Variants in CYP2C19 observed in about 807,000 individuals in gnomAD.
CYP2C19 encodes the protein cytochrome P450 2C19.
CYP2C19 carries 59 observed loss-of-function variants against 40.9 expected under a neutral mutation model. That is an observed-to-expected ratio of 1.44 (90% CI 1.17 to 1.79). The LOEUF is 1.79. CYP2C19 is among the 40% of genes most tolerant of loss of function. The pLI is 0.00. For synonymous variants in CYP2C19, 253 were observed against 208.7 expected, an observed-to-expected ratio of 1.21 and a Z score of -1.83; for missense variants, 754 against 596.9, an observed-to-expected ratio of 1.26 and a Z score of -2.74.
chr10:94,785,186 A>AT (rs1288920215), intron 5 of CYP2C19, among the ~76,000 whole-genome samples: 3 of 151,894 alleles, frequency 2.0e-5, no homozygotes, highest in African/African-American at 7.2e-5. Flanking sequence ...TGGTTTATCT[A>AT]TTTTTTCTTT....
chr10:94,830,299 T>C (rs1849312531), intron 6 of CYP2C19, among the ~76,000 whole-genome samples: 1 of 152,202 alleles, frequency 6.6e-6, no homozygotes, highest in East Asian at 1.9e-4. Flanking sequence ...GTGCTAGCAA[T>C]TAGTGAGACT....
chr10:94,847,799 G>T (rs938378872), intron 7 of CYP2C19, among the ~76,000 whole-genome samples: 3 of 152,104 alleles, frequency 2.0e-5, no homozygotes, highest in African/African-American at 7.2e-5. Flanking sequence ...ATCTCATTGT[G>T]GTTGTGATTT....
Position 94,826,697 on chromosome 10 carries a change from T to G in CYP2C19, c.961+6060T>G, listed in dbSNP as rs572502779. On this transcript the variant is annotated intron_variant, in intron 6 of 8. Coordinates refer to ENST00000371321, the MANE Select transcript of CYP2C19 (RefSeq NM_000769.4). The stretch of plus-strand genomic sequence containing the variant: ...CTGGCCAGAACTTCCAACACTATGT[T>G]GAATAGGAGTGGCAAGAGAAGGCAT... Among the ~76,000 whole-genome samples, 36 of 152,314 alleles carry G rather than the reference T, an allele frequency of 2.4e-4. 1 individual carries two copies. The highest frequency in any genetic ancestry group is 2.0e-3 in the Admixed American group (31 of 15,298).
At chr10:94,788,268 G>A (rs1403006432) in intron 5 of CYP2C19, among the ~76,000 whole-genome samples, 2 of 152,064 alleles carry the variant, frequency 1.3e-5, no homozygotes, top group African/African-American at 4.8e-5. Context: ...ACTTCCAGGA[G>A]CTTTTTGGAA....
chr10:94,839,547 G>A (rs1243014801), intron 6 of CYP2C19, among the ~76,000 whole-genome samples: 5 of 152,200 alleles, frequency 3.3e-5, no homozygotes, highest in Non-Finnish European at 5.9e-5. Context: ...CCATCAACAT[G>A]CATTCGCATA....
At chr10:94,799,846 TG>T (rs992648778) in intron 5 of CYP2C19, among the ~76,000 whole-genome samples, 1 of 152,214 alleles carries the variant, frequency 6.6e-6, no homozygotes, top group Non-Finnish European at 1.5e-5. Context: ...CCATGGTTTT[TG>T]GTTCCATCAG....
chr10:94,834,957 G>A (rs1031538824), intron 6 of CYP2C19, among the ~76,000 whole-genome samples: 5 of 152,126 alleles, frequency 3.3e-5, no homozygotes, highest in Admixed American at 3.3e-4. Context: ...TGCTCTAGCT[G>A]CTTCCTGCTG....
intron 3 of CYP2C19, among the ~76,000 whole-genome samples, chr10:94,778,592 G>A (rs372150082): frequency 9.8e-5 from 15 of 152,306 alleles, no homozygotes; most frequent in African/African-American, 2.9e-4. Flanking sequence ...TTAGAATGGT[G>A]ATCATTAATA....
rs185338997 is a variant in CYP2C19, at chr10:94,784,658, T to C, written c.819+2661T>C. On this transcript the variant is annotated intron_variant, in intron 5 of 8. Transcript: ENST00000371321. ...TGAGACAGAGTCTCACTCTGTTGCC[T>C]AGGCTCGAGTGCAGTAGCATGATCT... 3.1e-3 allele frequency among the ~76,000 whole-genome samples: 473 copies of C among 152,158 alleles called. 3 individuals carry two copies. Among genetic ancestry groups the C allele is most frequent in the African/African-American group, 0.011 (450 of 41,548 alleles).
intron 1 of CYP2C19, 81 bp from the exon 2 acceptor site, chr10:94,774,977 T>C: frequency 7.0e-7 from 1 of 1,438,542 alleles, no homozygotes; most frequent in Non-Finnish European, 9.6e-7. Context: ...ACAAATACAA[T>C]GAAAATATGA....
At chr10:94,849,317 T>TTTTA (rs199951526) in intron 7 of CYP2C19, among the ~76,000 whole-genome samples, 9,449 of 151,908 alleles carry the variant, frequency 0.062, 423 homozygotes, top group Middle Eastern at 0.095. Context: ...GTTGTGGGCA[T>TTTTA]TTTATTTATT....
At chr10:94,779,270 C>T (rs997810252) in intron 3 of CYP2C19, among the ~76,000 whole-genome samples, 12 of 152,114 alleles carry the variant, frequency 7.9e-5, no homozygotes, top group African/African-American at 2.9e-4. Context: ...TGTCCCAGAA[C>T]TTAAAGTAAA....
At chr10:94,812,568 C>T (rs904016668) in intron 5 of CYP2C19, among the ~76,000 whole-genome samples, 1 of 152,176 alleles carries the variant, frequency 6.6e-6, no homozygotes, top group African/African-American at 2.4e-5. Flanking sequence ...AGGCTATGTT[C>T]ATTTCTTTTT....
intron 6 of CYP2C19, 21 bp from the exon 7 acceptor site, chr10:94,842,816 T>A (rs769408340): frequency 6.2e-7 from 1 of 1,613,476 alleles, no homozygotes; most frequent in Non-Finnish European, 8.5e-7. Context: ...TTTCCATCAG[T>A]TCTTACTTGT....
intron 4 of CYP2C19, among the ~76,000 whole-genome samples, chr10:94,781,322 C>T (rs1222858063): frequency 1.3e-5 from 2 of 152,218 alleles, no homozygotes; most frequent in African/African-American, 2.4e-5. Context: ...TTTAACTGCT[C>T]TGGTGCACAG....
chr10:94,842,281 T>C (rs1368397465), intron 6 of CYP2C19, among the ~76,000 whole-genome samples: 2 of 152,194 alleles, frequency 1.3e-5, no homozygotes, highest in African/African-American at 4.8e-5. Context: ...TCTTGAAATC[T>C]ATTTTGTCTG....
rs1564656987 is a variant in CYP2C19 at position 94,762,800 on chromosome 10, G to A, written c.95G>A (p.Gly32Asp). The change falls in exon 1 of 9, where the codon GGC (glycine) becomes GAC (aspartate). Residue 32 changes from glycine (G) to aspartate (D), a missense_variant. By Grantham distance (94) the Gly-to-Asp change is moderately conservative. Coordinates refer to ENST00000371321, the MANE Select transcript of CYP2C19 (RefSeq NM_000769.4). ...QSSGRGKLPP[G>D]PTPLPVIGNI... is the part of the protein sequence containing the mutation. Reference sequence around the variant, plus strand: ...TCTGGGAGAGGAAAACTCCCTCCTGGCCCCACTCCTCTCCCAGTGATTGGA... The same window carrying A: ...TCTGGGAGAGGAAAACTCCCTCCTGACCCCACTCCTCTCCCAGTGATTGGA... 1 of 1,613,648 alleles carries A rather than the reference G, an allele frequency of 6.2e-7. No homozygotes were observed. The highest frequency in any genetic ancestry group is 1.1e-5 in the South Asian group (1 of 91,052).
intron 7 of CYP2C19, among the ~76,000 whole-genome samples, chr10:94,847,136 T>C (rs1175906735): frequency 1.3e-5 from 2 of 152,044 alleles, no homozygotes; most frequent in Middle Eastern, 3.2e-3. Flanking sequence ...TGCAGGTTAG[T>C]TACAAATGTA....
chr10:94,843,464 T>C (rs1204603785), intron 7 of CYP2C19, among the ~76,000 whole-genome samples: 1 of 152,202 alleles, frequency 6.6e-6, no homozygotes, highest in Non-Finnish European at 1.5e-5. Flanking sequence ...CCCAGGAATG[T>C]TGTGATTTTG....
Sources: allele counts gnomAD v4.1 joint callset (sites outside exome capture counted in the v4.1 genomes callset), GRCh38; gene constraint gnomAD v4.1.1; transcripts MANE v1.5; gene names NCBI Gene and HGNC (gene_info 2026-07-23, HGNC 2026-07-21).